Variants in FHIT observed in about 807,000 individuals in gnomAD.
The protein encoded by FHIT is fragile histidine triad diadenosine triphosphatase, also known as bis(5'-adenosyl)-triphosphatase.
In FHIT, 19 loss-of-function variants were observed where a neutral mutation model predicts 17.9. That is an observed-to-expected ratio of 1.06 (90% CI 0.74 to 1.56). The LOEUF is 1.56. Ranked by LOEUF, FHIT falls within the 40% of genes most tolerant of loss-of-function variation. The pLI, the probability that FHIT is intolerant of heterozygous loss-of-function variation, is 0.00. For missense variants in FHIT, 248 were observed against 189.2 expected (o/e 1.31, Z -1.82); for synonymous variants, 81 against 69.7 (o/e 1.16, Z -0.81).
intron 5 of FHIT, among the ~76,000 whole-genome samples, chr3:60,082,186 G>T (rs565214866): frequency 1.3e-5 from 2 of 151,974 alleles, no homozygotes; most frequent in South Asian, 2.1e-4. Context: ...TACCATGTTT[G>T]TCTGTTTAAC....
Position 60,653,752 on chromosome 3 carries a change from G to T in FHIT, c.-17-116773C>A, listed in dbSNP as rs546406930. Among the ~76,000 whole-genome samples the T allele has an allele frequency of 3.6e-4, 54 of 152,038 alleles. 1 individual carries two copies. The highest frequency in any genetic ancestry group is 1.2e-3 in the African/African-American group (50 of 41,498). Reference sequence around the variant, plus strand: ...AGCAGGATTGCATACTAAAAGACAGGAAAAAGGATTTTCAACAGAGAAGTC... The same window carrying T: ...AGCAGGATTGCATACTAAAAGACAGTAAAAAGGATTTTCAACAGAGAAGTC... On this transcript the variant is annotated intron_variant, in intron 4 of 9. Coordinates refer to ENST00000492590, the MANE Select transcript of FHIT (RefSeq NM_002012.4).
At chr3:60,224,037 G>C (rs1458462237) in intron 5 of FHIT, among the ~76,000 whole-genome samples, 2 of 152,068 alleles carry the variant, frequency 1.3e-5, no homozygotes, top group African/African-American at 4.8e-5. Flanking sequence ...CATATAGTGT[G>C]AACTATATAT....
chr3:61,074,024 G>A (rs2034892260), intron 2 of FHIT, among the ~76,000 whole-genome samples: 1 of 152,172 alleles, frequency 6.6e-6, no homozygotes, highest in South Asian at 2.1e-4. Flanking sequence ...TGGGTTATTA[G>A]ACACGAGAAT....
At chr3:61,051,719 C>T (rs2034035394) in intron 2 of FHIT, among the ~76,000 whole-genome samples, 1 of 152,074 alleles carries the variant, frequency 6.6e-6, no homozygotes, top group African/African-American at 2.4e-5. Context: ...AGAAATATAA[C>T]ACATGCAAAG....
chr3:61,190,357 C>T (rs1221629122), intron 2 of FHIT, among the ~76,000 whole-genome samples: 2 of 152,116 alleles, frequency 1.3e-5, no homozygotes, highest in Admixed American at 1.3e-4. Context: ...CCATCAGAGA[C>T]ATGCAAATCA....
chr3:60,368,096 A>G (rs1172010527), intron 5 of FHIT, among the ~76,000 whole-genome samples: 1 of 151,900 alleles, frequency 6.6e-6, no homozygotes. Flanking sequence ...TAAAGTGACT[A>G]TGAACATTTG....
rs1176034929 is a variant in FHIT, at chr3:60,014,130, C to CCGCAGCGGGCA, written c.115_125dup (p.Pro43AlafsTer54). On this transcript the variant is annotated frameshift_variant, in exon 6 of 10. Transcript: ENST00000492590. LOFTEE classifies it high-confidence loss of function. ...GCAGGTCATGGAAGCGCTCCACTGGCCGCAGCGGGCACACAAGGACATCTG... is the reference window on the plus strand; with the variant it reads ...GCAGGTCATGGAAGCGCTCCACTGGCCGCAGCGGGCACGCAGCGGGCACACAAGGACATCTG... The CCGCAGCGGGCA allele has an allele frequency of 6.2e-7, 1 of 1,613,932 alleles. No individual in the cohort carries two copies. The highest frequency in any genetic ancestry group is 1.3e-5 in the African/African-American group (1 of 74,914).
At chr3:59,867,628 T>C (rs1702714336) in intron 8 of FHIT, among the ~76,000 whole-genome samples, 1 of 152,096 alleles carries the variant, frequency 6.6e-6, no homozygotes, top group Non-Finnish European at 1.5e-5. Context: ...TTAATCCTTT[T>C]ATCTAGAACC....
chr3:60,562,473 C>A (rs533081406), intron 4 of FHIT, among the ~76,000 whole-genome samples: 2 of 152,258 alleles, frequency 1.3e-5, no homozygotes, highest in East Asian at 1.9e-4. Flanking sequence ...ATGAAGCCAG[C>A]AATCCAGGAA....
chr3:60,067,736 G>A (rs764668859), intron 5 of FHIT, among the ~76,000 whole-genome samples: 7 of 152,110 alleles, frequency 4.6e-5, no homozygotes, highest in East Asian at 1.9e-4. Flanking sequence ...GAATTTCCAC[G>A]CGACAGCCCC....
chr3:60,324,573 G>GAA (rs4022385), intron 5 of FHIT, among the ~76,000 whole-genome samples: 11 of 128,858 alleles, frequency 8.5e-5, no homozygotes, highest in Admixed American at 1.6e-4. Flanking sequence ...GACTCCATCA[G>GAA]AAAAAAAAAA....
chr3:61,038,409 G>A lies in FHIT; in HGVS notation c.-111+3638C>T, dbSNP rs564512876. Among the ~76,000 whole-genome samples, 9 of 152,320 alleles carry A rather than the reference G, an allele frequency of 5.9e-5. 1 individual carries two copies. In the South Asian group the frequency reaches 1.9e-3, roughly 32 times the overall value. On this transcript the variant is annotated intron_variant, in intron 3 of 9. Transcript: ENST00000492590. ...ACAAAAGATCCTGCTTCTATAACAA[G>A]TCTACAGTGGGAATGGAGGCAGGAT...
At chr3:60,439,282 T>C (rs1194764271) in intron 5 of FHIT, among the ~76,000 whole-genome samples, 2 of 152,134 alleles carry the variant, frequency 1.3e-5, no homozygotes, top group Admixed American at 6.6e-5. Flanking sequence ...CAGATGCACA[T>C]TATAATGTCC....
intron 5 of FHIT, among the ~76,000 whole-genome samples, chr3:60,238,831 G>A (rs1704956697): frequency 6.6e-6 from 1 of 152,096 alleles, no homozygotes; most frequent in Admixed American, 6.6e-5. Context: ...TATTGAATAT[G>A]AAAACCAAAA....
chr3:60,911,807 A>G (rs782145826), intron 3 of FHIT, among the ~76,000 whole-genome samples: 15 of 152,288 alleles, frequency 9.8e-5, no homozygotes, highest in South Asian at 6.2e-4. Context: ...GAATGAAACA[A>G]TAAGTCTGAA....
intron 8 of FHIT, among the ~76,000 whole-genome samples, chr3:59,817,987 T>C (rs1379063204): frequency 6.6e-6 from 1 of 151,898 alleles, no homozygotes; most frequent in Non-Finnish European, 1.5e-5. Context: ...GGAGAAACTA[T>C]AGAGACCACT....
intron 5 of FHIT, among the ~76,000 whole-genome samples, chr3:60,273,109 T>G (rs926275217): frequency 7.2e-5 from 11 of 152,204 alleles, no homozygotes; most frequent in African/African-American, 2.7e-4. Context: ...AAAGAGAACA[T>G]CTATGGTGAG....
rs1352133558 is a variant in FHIT at position 61,028,895 on chromosome 3, A to G, written c.-111+13152T>C. 2.0e-5 allele frequency among the ~76,000 whole-genome samples: 3 copies of G among 151,022 alleles called. No individual in the cohort carries two copies. In the Admixed American group the frequency reaches 2.0e-4, roughly 10 times the overall value. ...AATAAGCACCCCCCACCAACAAAAA[A>G]AAAAAGAAAAAAAAAAACAGAGATT... On this transcript the variant is annotated intron_variant, in intron 3 of 9. Coordinates refer to ENST00000492590, the MANE Select transcript of FHIT (RefSeq NM_002012.4).
intron 8 of FHIT, among the ~76,000 whole-genome samples, chr3:59,920,026 A>T (rs1392804626): frequency 6.6e-6 from 1 of 152,228 alleles, no homozygotes; most frequent in Non-Finnish European, 1.5e-5. Flanking sequence ...AAAATTGGGA[A>T]TCTCACCCTT....
Sources: allele counts gnomAD v4.1 joint callset (sites outside exome capture counted in the v4.1 genomes callset), GRCh38; gene constraint gnomAD v4.1.1; transcripts MANE v1.5; gene names NCBI Gene and HGNC (gene_info 2026-07-23, HGNC 2026-07-21).